Variants in KAZN observed in about 807,000 individuals in gnomAD.
The protein encoded by KAZN is kazrin.
A neutral mutation model predicts 87.4 loss-of-function variants in KAZN; 40 were observed. The observed-to-expected ratio is 0.46, with a 90% CI of 0.36 to 0.60. KAZN has a LOEUF of 0.60. Among genes scored for constraint, KAZN ranks in the 20% least tolerant of loss-of-function variants. KAZN has a pLI of 0.00. For synonymous variants in KAZN, 466 were observed against 458.3 expected (o/e 1.02, Z -0.22); for missense variants, 898 against 1,073.9 (o/e 0.84, Z 2.29).
chr1:14,224,238 G>T (rs1647182781), intron 2 of KAZN, among the ~76,000 whole-genome samples: 1 of 152,136 alleles, frequency 6.6e-6, no homozygotes, highest in South Asian at 2.1e-4. Context: ...CAAAGGGGCA[G>T]GGTCTAGTCA....
chr1:14,620,930 C>T (rs761447557), intron 1 of KAZN, among the ~76,000 whole-genome samples: 6 of 152,188 alleles, frequency 3.9e-5, no homozygotes, highest in Non-Finnish European at 7.3e-5. Context: ...CTTCAGTGTG[C>T]CCATTTGTTG....
intron 1 of KAZN, among the ~76,000 whole-genome samples, chr1:13,962,105 TCA>T (rs1467867149): frequency 6.6e-6 from 1 of 152,178 alleles, no homozygotes; most frequent in Non-Finnish European, 1.5e-5. Context: ...CTGTTGTGCT[TCA>T]CACTTGGAGA....
intron 4 of KAZN, among the ~76,000 whole-genome samples, chr1:15,046,511 C>T (rs753312116): frequency 3.9e-5 from 6 of 152,076 alleles, no homozygotes; most frequent in Non-Finnish European, 5.9e-5. Flanking sequence ...CCGTCCAAAC[C>T]CACGTTGTTC....
intron 2 of KAZN, among the ~76,000 whole-genome samples, chr1:14,399,897 A>G (rs187494521): frequency 6.6e-6 from 1 of 152,272 alleles, no homozygotes; most frequent in Admixed American, 6.5e-5. Flanking sequence ...GATGGCATTT[A>G]TACCCTGTTC....
Position 14,664,440 on chromosome 1 carries a change from A to G in KAZN, c.226+65217A>G, listed in dbSNP as rs577560741. Among the ~76,000 whole-genome samples, 5 of 152,274 alleles carry G rather than the reference A, an allele frequency of 3.3e-5. No individual in the cohort carries two copies. In the South Asian group the frequency reaches 1.0e-3, roughly 32 times the overall value. ...AGAGTGAGACTCTGCCTCAAAAGGA[A>G]GTAGAATGGCGGTTGCCAGGGGCAA... On this transcript the variant is annotated intron_variant, in intron 1 of 14. Coordinates refer to ENST00000376030, the MANE Select transcript of KAZN (RefSeq NM_201628.3).
chr1:14,114,461 C>T (rs79480659), intron 1 of KAZN, among the ~76,000 whole-genome samples: 2,427 of 152,134 alleles, frequency 0.016, 64 homozygotes, highest in African/African-American at 0.056. Flanking sequence ...GGAACTCTCT[C>T]GAGCCCCCTA....
chr1:14,576,073 T>C (rs1435586040), intron 2 of KAZN, among the ~76,000 whole-genome samples: 1 of 152,160 alleles, frequency 6.6e-6, no homozygotes, highest in Non-Finnish European at 1.5e-5. Flanking sequence ...GCCCATAACT[T>C]GGAGTTGGGA....
chr1:14,000,585 A>G (rs10927988), intron 1 of KAZN, among the ~76,000 whole-genome samples: 22,057 of 152,100 alleles, frequency 0.15, 1,704 homozygotes, highest in Middle Eastern at 0.22. Context: ...CAAACCCACA[A>G]TGAATACCAT....
intron 1 of KAZN, among the ~76,000 whole-genome samples, chr1:14,631,420 CCTAT>C (rs1356367549): frequency 6.6e-6 from 1 of 152,224 alleles, no homozygotes; most frequent in African/African-American, 2.4e-5. Flanking sequence ...CAACCAAAAT[CCTAT>C]CTGATTCATG....
intron 1 of KAZN, among the ~76,000 whole-genome samples, chr1:14,937,304 A>G (rs981828350): frequency 2.0e-5 from 3 of 152,048 alleles, no homozygotes; most frequent in Non-Finnish European, 4.4e-5. Flanking sequence ...TTCTTAGAGC[A>G]CCTACTTGGG....
intron 1 of KAZN, among the ~76,000 whole-genome samples, chr1:14,682,099 C>T (rs1307127647): frequency 6.6e-6 from 1 of 152,020 alleles, no homozygotes; most frequent in Non-Finnish European, 1.5e-5. Context: ...CAAAGAGCAG[C>T]TATCCCCATT....
chr1:14,365,379 G>T (rs1405276939), intron 2 of KAZN, among the ~76,000 whole-genome samples: 1 of 139,378 alleles, frequency 7.2e-6, no homozygotes, highest in African/African-American at 2.6e-5. Flanking sequence ...GGGGGGGGGG[G>T]GGGTCTTTCA....
chr1:14,805,663 AAGG>A (rs1177631403), intron 1 of KAZN, among the ~76,000 whole-genome samples: 1 of 151,892 alleles, frequency 6.6e-6, no homozygotes, highest in Non-Finnish European at 1.5e-5. Flanking sequence ...GAGGCTGAGA[AAGG>A]AGGAGAATCA....
At chr1:14,053,861 T>C (rs1314166142) in intron 1 of KAZN, among the ~76,000 whole-genome samples, 2 of 152,322 alleles carry the variant, frequency 1.3e-5, no homozygotes, top group East Asian at 3.9e-4. Context: ...ACATAGTTGA[T>C]TAACATGTAT....
chr1:14,111,242 G>A (rs1424610931), intron 1 of KAZN, among the ~76,000 whole-genome samples: 1 of 134,332 alleles, frequency 7.4e-6, no homozygotes. Flanking sequence ...GCACACACGC[G>A]GGCTGCAGTC....
At chr1:14,431,238 C>G (rs180872922) in intron 2 of KAZN, among the ~76,000 whole-genome samples, 4 of 152,198 alleles carry the variant, frequency 2.6e-5, no homozygotes, top group Admixed American at 2.6e-4. Flanking sequence ...CCATAGTGCT[C>G]GACAATTTCT....
At chr1:14,398,109 CTG>C (rs1663057419) in intron 2 of KAZN, among the ~76,000 whole-genome samples, 1 of 152,140 alleles carries the variant, frequency 6.6e-6, no homozygotes, top group African/African-American at 2.4e-5. Flanking sequence ...ACTAAAATGC[CTG>C]TGTTACAGTA....
chr1:14,226,457 T>C (rs945673858), intron 2 of KAZN, among the ~76,000 whole-genome samples: 3 of 151,874 alleles, frequency 2.0e-5, no homozygotes, highest in Non-Finnish European at 4.4e-5. Flanking sequence ...TGCAGAGAAA[T>C]GGGAAATAGT....
At chr1:14,369,047 ATT>A (rs1660252896) in intron 2 of KAZN, among the ~76,000 whole-genome samples, 1 of 152,188 alleles carries the variant, frequency 6.6e-6, no homozygotes, top group Non-Finnish European at 1.5e-5. Flanking sequence ...AATAAATAGT[ATT>A]GACTTTCATT....
Sources: allele counts gnomAD v4.1 joint callset (sites outside exome capture counted in the v4.1 genomes callset), GRCh38; gene constraint gnomAD v4.1.1; transcripts MANE v1.5; gene names NCBI Gene and HGNC (gene_info 2026-07-23, HGNC 2026-07-21).